Variants in SLC17A1 observed in about 807,000 individuals in gnomAD.
SLC17A1 encodes the protein solute carrier family 17 member 1, also known as sodium-dependent phosphate transport protein 1.
SLC17A1 carries 51 observed loss-of-function variants against 53.5 expected under a neutral mutation model. The ratio of observed to expected loss-of-function variants is 0.95; its 90% CI spans 0.76 to 1.20. The LOEUF is 1.20. Ranked by LOEUF, SLC17A1 falls within the 50% of genes most tolerant of loss-of-function variation. The probability of loss-of-function intolerance (pLI) is 0.00; values close to 1 mark genes in which losing one functional copy is unlikely to be tolerated. For synonymous variants in SLC17A1, 179 were observed against 198.8 expected, an observed-to-expected ratio of 0.90 and a Z score of 0.84; for missense variants, 538 against 568.2, an observed-to-expected ratio of 0.95 and a Z score of 0.54.
chr6:25,754,127 T>C, the SLC17A1 span, among the ~76,000 whole-genome samples: 1 of 149,288 alleles, frequency 6.7e-6, no homozygotes, highest in Admixed American at 6.7e-5. Flanking sequence ...GGTGATGGCT[T>C]TGCTAAGGGC....
intron 8 of SLC17A1, among the ~76,000 whole-genome samples, chr6:25,812,433 C>A (rs1764189550): frequency 6.6e-6 from 1 of 152,172 alleles, no homozygotes; most frequent in African/African-American, 2.4e-5. Context: ...AGCCCAGACT[C>A]ATTGCCTTAC....
the SLC17A1 span, chr6:25,732,939 G>T: frequency 4.4e-6 from 1 of 228,134 alleles, no homozygotes; most frequent in South Asian, 6.9e-5. Flanking sequence ...CCTTTTCAGA[G>T]CCACTCAATT....
chr6:25,809,119 C>T (rs1764059816), intron 10 of SLC17A1, among the ~76,000 whole-genome samples: 1 of 151,860 alleles, frequency 6.6e-6, no homozygotes, highest in Non-Finnish European at 1.5e-5. Context: ...GAAATAAAGG[C>T]CCTTGTCTTA....
At chr6:25,771,066 A>G in the SLC17A1 span, 1 of 1,425,674 alleles carries the variant, frequency 7.0e-7, no homozygotes, top group Non-Finnish European at 9.9e-7. Context: ...CTGTGATGCA[A>G]TTTATCTATG....
chr6:25,787,876 G>A (rs1462209678), intron 12 of SLC17A1, among the ~76,000 whole-genome samples: 1 of 152,140 alleles, frequency 6.6e-6, no homozygotes, highest in Non-Finnish European at 1.5e-5. Context: ...CAGCACAAGA[G>A]TCCTTGGGGG....
rs764383795 is a variant in SLC17A1, at chr6:25,830,559, C to A, written c.-2G>T. Reference sequence around the variant, plus strand: ...AGGCAACCGGTTATCCATTTGCATACACGGCTGAAGTTGCTTCTCTTCTTG... The same window carrying A: ...AGGCAACCGGTTATCCATTTGCATAAACGGCTGAAGTTGCTTCTCTTCTTG... On this transcript the variant is annotated 5_prime_UTR_variant, in exon 2 of 13. Transcript: ENST00000244527. 8.1e-6 allele frequency: 13 copies of A among 1,613,914 alleles called. No homozygotes were observed. Among genetic ancestry groups the A allele is most frequent in the Non-Finnish European group, 1.0e-5 (12 of 1,179,844 alleles).
chr6:25,779,012 G>A (rs1561816634), downstream of SLC17A1: 1 of 1,609,112 alleles, frequency 6.2e-7, no homozygotes, highest in Non-Finnish European at 8.5e-7. Context: ...AGAGGGACAG[G>A]AATTGGGTGA....
intron 10 of SLC17A1, among the ~76,000 whole-genome samples, chr6:25,805,149 C>T (rs190055161): frequency 1.2e-4 from 18 of 152,064 alleles, no homozygotes; most frequent in Admixed American, 1.2e-3. Flanking sequence ...AAAGTCTCAA[C>T]AAATTTTTTA....
At chr6:25,779,158 G>T, downstream of SLC17A1, 1 of 1,613,768 alleles carries the variant, frequency 6.2e-7, no homozygotes, top group Non-Finnish European at 8.5e-7. Context: ...TGCAGGACTG[G>T]GCTAAAGAGC....
At chr6:25,726,048 C>G in the SLC17A1 span, 11 of 1,292,534 alleles carry the variant, frequency 8.5e-6, no homozygotes, top group Non-Finnish European at 1.1e-5. Context: ...AACGTACAGC[C>G]TTTTTCTGAG....
chr6:25,738,974 G>T, the SLC17A1 span, among the ~76,000 whole-genome samples: 1 of 152,136 alleles, frequency 6.6e-6, no homozygotes, highest in African/African-American at 2.4e-5. Context: ...GAAACATTTT[G>T]CAGTTTCTGT....
chr6:25,815,001 A>T (rs879469963), intron 6 of SLC17A1, among the ~76,000 whole-genome samples: 16,218 of 81,876 alleles, frequency 0.2, 1,728 homozygotes, highest in East Asian at 0.41. Context: ...ACACACACAC[A>T]CACACACACA....
chr6:25,776,769 A>G, the SLC17A1 span: 1 of 1,613,986 alleles, frequency 6.2e-7, no homozygotes, highest in African/African-American at 1.3e-5. Flanking sequence ...TGGGAAGCTC[A>G]GAGCAGCCTT....
At chr6:25,766,735 GC>G in the SLC17A1 span, among the ~76,000 whole-genome samples, 3 of 152,178 alleles carry the variant, frequency 2.0e-5, no homozygotes. Context: ...ATTAAGGGAT[GC>G]CCCACAAAAC....
At chr6:25,743,724 T>C in the SLC17A1 span, among the ~76,000 whole-genome samples, 4 of 152,230 alleles carry the variant, frequency 2.6e-5, no homozygotes, top group Admixed American at 2.6e-4. Flanking sequence ...TTACTGAGCA[T>C]GCACATATGA....
At chr6:25,797,979 T>C (rs1488354547) in intron 12 of SLC17A1, among the ~76,000 whole-genome samples, 1 of 152,256 alleles carries the variant, frequency 6.6e-6, no homozygotes, top group Admixed American at 6.5e-5. Context: ...CTCTGTTTTC[T>C]GTACTTCTTC....
chr6:25,793,445 G>A (rs12209856), intron 12 of SLC17A1, among the ~76,000 whole-genome samples: 46,614 of 151,864 alleles, frequency 0.31, 7,894 homozygotes, highest in East Asian at 0.69. Flanking sequence ...TTTTATCCTC[G>A]GAATACTCAC....
intron 12 of SLC17A1, among the ~76,000 whole-genome samples, chr6:25,791,937 C>T (rs566777335): frequency 1.3e-5 from 2 of 152,218 alleles, no homozygotes; most frequent in Non-Finnish European, 2.9e-5. Context: ...AGGAATAGAG[C>T]TGTAGAGTCC....
the SLC17A1 span, among the ~76,000 whole-genome samples, chr6:25,775,404 T>A: frequency 2.0e-5 from 3 of 152,066 alleles, no homozygotes; most frequent in South Asian, 2.1e-4. Flanking sequence ...TCCCAGCCCA[T>A]TCCAATGATA....
Sources: allele counts gnomAD v4.1 joint callset (sites outside exome capture counted in the v4.1 genomes callset), GRCh38; gene constraint gnomAD v4.1.1; transcripts MANE v1.5; gene names NCBI Gene and HGNC (gene_info 2026-07-23, HGNC 2026-07-21).